Variants in MED12L observed in about 807,000 individuals in gnomAD.
MED12L encodes the protein mediator complex subunit 12L, also known as mediator of RNA polymerase II transcription subunit 12-like protein.
A neutral mutation model predicts 281.3 loss-of-function variants in MED12L; 60 were observed. The observed-to-expected ratio is 0.21, with a 90% CI of 0.17 to 0.26. The LOEUF (loss-of-function observed/expected upper bound fraction) is 0.26. Among genes scored for constraint, MED12L ranks in the 10% least tolerant of loss-of-function variants. The pLI is 1.00. For missense variants in MED12L, 2,146 were observed against 2,680.9 expected (o/e 0.80, Z 4.41); for synonymous variants, 974 against 987.2 (o/e 0.99, Z 0.25).
intron 16 of MED12L, among the ~76,000 whole-genome samples, chr3:151,196,392 T>G (rs944533874): frequency 3.3e-5 from 5 of 151,922 alleles, no homozygotes; most frequent in Non-Finnish European, 7.4e-5. Context: ...AAAGAGAAAA[T>G]CTGACTAGCT....
intron 3 of MED12L, among the ~76,000 whole-genome samples, chr3:151,121,411 CA>C (rs1713733302): frequency 6.6e-6 from 1 of 152,198 alleles, no homozygotes. Flanking sequence ...TCACAAAGAT[CA>C]AAGAATGTCA....
intron 16 of MED12L, among the ~76,000 whole-genome samples, chr3:151,237,707 G>C (rs1429133003): frequency 6.6e-6 from 1 of 152,150 alleles, no homozygotes; most frequent in Admixed American, 6.5e-5. Flanking sequence ...ATGATGTGTA[G>C]TGATCCTGTG....
At chr3:151,420,453 A>G (rs1488389867) in intron 43 of MED12L, among the ~76,000 whole-genome samples, 1 of 152,158 alleles carries the variant, frequency 6.6e-6, no homozygotes, top group Non-Finnish European at 1.5e-5. Flanking sequence ...AACAGGAAGC[A>G]AAAATTTTGC....
At chr3:151,399,830 CT>C (rs1394099937) in intron 39 of MED12L, among the ~76,000 whole-genome samples, 28 of 142,034 alleles carry the variant, frequency 2.0e-4, no homozygotes, top group Admixed American at 2.9e-4. Context: ...TTCCTTCTTT[CT>C]TTTTTTTTTT....
rs112147689 is a variant in MED12L at position 151,287,822 on chromosome 3, A to G, written c.2251-62237A>G. Among the ~76,000 whole-genome samples, 990 of 152,348 alleles carry G rather than the reference A, an allele frequency of 6.5e-3. 8 individuals are homozygous for G. The highest frequency in any genetic ancestry group is 0.014 in the South Asian group (67 of 4,834). On this transcript the variant is annotated intron_variant, in intron 16 of 44. Coordinates refer to ENST00000687756, the MANE Select transcript of MED12L (RefSeq NM_001393769.1). ...GGATTTCTATGGGAAGTATATCTAT[A>G]TATCTACAGTTATCTTTCAAATAGC...
intron 2 of MED12L, among the ~76,000 whole-genome samples, chr3:151,115,452 G>A (rs1357361618): frequency 4.5e-5 from 6 of 133,948 alleles, no homozygotes; most frequent in Non-Finnish European, 6.2e-5. Context: ...AGGTTCTAGC[G>A]ATTTTCCTGC....
chr3:151,307,513 G>A (rs1361312229), intron 16 of MED12L, among the ~76,000 whole-genome samples: 1 of 147,626 alleles, frequency 6.8e-6, no homozygotes, highest in Non-Finnish European at 1.5e-5. Flanking sequence ...TTTTTTTTAG[G>A]TGACCTCAGG....
At chr3:151,392,949 T>A (rs1714476735) in intron 38 of MED12L, among the ~76,000 whole-genome samples, 1 of 152,256 alleles carries the variant, frequency 6.6e-6, no homozygotes, top group Non-Finnish European at 1.5e-5. Flanking sequence ...TCTTTTTACA[T>A]ATCAATATAC....
At chr3:151,322,836 C>T (rs1749146848) in intron 16 of MED12L, among the ~76,000 whole-genome samples, 1 of 152,126 alleles carries the variant, frequency 6.6e-6, no homozygotes, top group South Asian at 2.1e-4. Context: ...AGTATGGCCT[C>T]TGGGGTTCTC....
At position 151,434,490 on chromosome 3, in the gene MED12L, T is replaced by C. The variant is rs1719873876; in HGVS notation, c.*1686T>C. 6.7e-6 allele frequency: 1 copy of C among 148,534 alleles called. No individual in the cohort carries two copies. The highest frequency in any genetic ancestry group is 1.5e-5 in the Non-Finnish European group (1 of 67,336). The allele number at this position is 148,534 out of a possible 1,614,324, so 9.2% of individuals were successfully genotyped here. Reference sequence around the variant, plus strand: ...TGCCAAAACATTAAAAACTATTCTTTTCACTAAATTAATAGTCTATCTGCT... The same window carrying C: ...TGCCAAAACATTAAAAACTATTCTTCTCACTAAATTAATAGTCTATCTGCT... On this transcript the variant is annotated 3_prime_UTR_variant, in exon 45 of 45. Coordinates refer to ENST00000687756, the MANE Select transcript of MED12L (RefSeq NM_001393769.1).
Position 151,357,392 on chromosome 3 carries a change from G to A in MED12L, c.2825+16G>A, listed in dbSNP as rs1754060355. ...TGTTTGAAGGGTTGGTATATAGCAT[G>A]TCATTGTTGTTTTTCCAATCTCAGA... On this transcript the variant is annotated intron_variant, in intron 20 of 44. Transcript: ENST00000687756. 1 of 1,545,364 alleles carries A rather than the reference G, an allele frequency of 6.5e-7. No homozygotes were observed. Among genetic ancestry groups the A allele is most frequent in the Admixed American group, 2.1e-5 (1 of 48,482 alleles).
At chr3:151,228,274 T>C (rs532500311) in intron 16 of MED12L, among the ~76,000 whole-genome samples, 7 of 150,800 alleles carry the variant, frequency 4.6e-5, no homozygotes, top group African/African-American at 1.7e-4. Flanking sequence ...TGCCTTTGTG[T>C]ATCAGTTTTT....
chr3:151,242,112 C>T (rs1388992606), intron 16 of MED12L, among the ~76,000 whole-genome samples: 2 of 152,216 alleles, frequency 1.3e-5, no homozygotes, highest in African/African-American at 2.4e-5. Context: ...GCACCTGGCT[C>T]GGAGGGTCCT....
rs1719313140 is a variant in MED12L at position 151,086,988 on chromosome 3, C to T, written c.62C>T (p.Pro21Leu). The T allele has an allele frequency of 1.9e-6, 3 of 1,610,258 alleles. No individual in the cohort carries two copies. The highest frequency in any genetic ancestry group is 1.3e-5 in the African/African-American group (1 of 74,870). Residue 21 changes from proline (P) to leucine (L), a missense_variant, in exon 2 of 45, where the codon CCG (proline) becomes CTG (leucine). Pro to Leu is a moderately conservative substitution (Grantham distance 98). Around this residue, in one of 9 missense-constraint regions of MED12L, gnomAD observed 44 missense variants for 39.7 expected, o/e 1.11. Transcript: ENST00000687756. ...CCGCTGAAGCGCCCCCGGCTCGGGC[C>T]GCCCGACGTCTACCCACAGGACCCC... is the stretch of plus-strand genomic sequence containing the variant. Reference protein sequence around the residue: ...QRPLKRPRLGPPDVYPQDPKQ... With the variant: ...QRPLKRPRLGLPDVYPQDPKQ...
At position 151,388,009 on chromosome 3, in the gene MED12L, T is replaced by C; in HGVS notation, c.5288T>C (p.Leu1763Pro). ...PKPRSYYLQP[L>P]PLPPEEEEEE... The stretch of plus-strand genomic sequence containing the variant: ...CCCCGCAGTTACTACCTCCAGCCAC[T>C]GCCCCTGCCTCCTGAGGAGGAAGAG... The change falls in exon 37 of 45, where the codon CTG becomes CCG. Residue 1763 changes from leucine to proline, a missense_variant. Leu to Pro is a moderately conservative substitution (Grantham distance 98, BLOSUM62 -3). This residue lies in a region of MED12L where 496 missense variants were observed against 512.0 expected (regional missense o/e 0.97). Coordinates refer to ENST00000687756, the MANE Select transcript of MED12L (RefSeq NM_001393769.1). 6.2e-7 allele frequency: 1 copy of C among 1,614,008 alleles called. No individual in the cohort carries two copies. Among genetic ancestry groups the C allele is most frequent in the East Asian group, 2.2e-5 (1 of 44,834 alleles).
chr3:151,229,114 A>T (rs1276738166), intron 16 of MED12L, among the ~76,000 whole-genome samples: 1 of 152,202 alleles, frequency 6.6e-6, no homozygotes, highest in African/African-American at 2.4e-5. Flanking sequence ...AGGCTTATAT[A>T]GCCAAAGGAA....
chr3:151,261,731 G>T (rs1213099635), intron 16 of MED12L, among the ~76,000 whole-genome samples: 7 of 125,704 alleles, frequency 5.6e-5, no homozygotes, highest in South Asian at 2.4e-4. Context: ...TGTTTTTGTT[G>T]TGTTGTGTTT....
intron 16 of MED12L, among the ~76,000 whole-genome samples, chr3:151,206,155 T>C (rs1388538952): frequency 4.0e-5 from 6 of 151,234 alleles, no homozygotes; most frequent in Non-Finnish European, 8.8e-5. Context: ...CTGAGATTGG[T>C]AGCTTTAAAT....
chr3:151,372,126 C>T (rs1756259578), intron 26 of MED12L, among the ~76,000 whole-genome samples: 1 of 152,192 alleles, frequency 6.6e-6, no homozygotes, highest in African/African-American at 2.4e-5. Flanking sequence ...AAACTTTTCT[C>T]TTGACCTATG....
Sources: gnomAD v4.1 joint callset for allele counts (sites outside exome capture counted in the v4.1 genomes callset) on GRCh38, gnomAD v4.1.1 for gene constraint, gnomAD v4.1.1 regional missense constraint, MANE v1.5 for transcripts, NCBI Gene and HGNC (gene_info 2026-07-23, HGNC 2026-07-21) for gene names.